Variants in EML4 observed in about 807,000 individuals in gnomAD.
EML4 encodes the protein echinoderm microtubule-associated protein-like 4.
Under a neutral mutation model 129.0 loss-of-function variants are expected in EML4, and 72 were observed. That is an observed-to-expected ratio of 0.56 (90% CI 0.46 to 0.68). EML4 has a LOEUF of 0.68. EML4 is among the 30% of genes least tolerant of loss of function. EML4 has a pLI of 0.00. For synonymous variants in EML4, 532 were observed against 405.0 expected, an observed-to-expected ratio of 1.31 and a Z score of -3.77; for missense variants, 1,363 against 1,190.6, an observed-to-expected ratio of 1.14 and a Z score of -2.13.
intron 8 of EML4, among the ~76,000 whole-genome samples, chr2:42,284,060 C>A (rs1032520471): frequency 1.3e-5 from 2 of 152,180 alleles, no homozygotes; most frequent in African/African-American, 2.4e-5. Flanking sequence ...TACGCTACTT[C>A]CCATTTCTAT....
chr2:42,279,967 G>A (rs964520294), intron 6 of EML4, among the ~76,000 whole-genome samples: 2 of 152,056 alleles, frequency 1.3e-5, no homozygotes, highest in Non-Finnish European at 2.9e-5. Context: ...TTTAAAATCT[G>A]TTATTTAACT....
intron 1 of EML4, among the ~76,000 whole-genome samples, chr2:42,189,564 G>A (rs918751811): frequency 2.0e-5 from 3 of 152,122 alleles, no homozygotes; most frequent in Admixed American, 6.5e-5. Context: ...TCTGTGACAG[G>A]GCGAGAACCT....
At chr2:42,222,280 G>C (rs1055981965) in intron 1 of EML4, among the ~76,000 whole-genome samples, 35 of 152,068 alleles carry the variant, frequency 2.3e-4, no homozygotes, top group Non-Finnish European at 5.9e-5. Flanking sequence ...AGTTTAATTT[G>C]TGTCTTTCCA....
At chr2:42,250,174 A>T (rs1675670158) in intron 2 of EML4, among the ~76,000 whole-genome samples, 1 of 152,220 alleles carries the variant, frequency 6.6e-6, no homozygotes, top group Non-Finnish European at 1.5e-5. Flanking sequence ...CAGTCATGTA[A>T]ACCAGGAAAC....
At chr2:42,243,439 CAT>C (rs754058157) in intron 1 of EML4, among the ~76,000 whole-genome samples, 31 of 151,662 alleles carry the variant, frequency 2.0e-4, no homozygotes, top group Non-Finnish European at 3.7e-4. Flanking sequence ...GAGTTGGACA[CAT>C]GTGCCTTTAA....
At chr2:42,267,096 C>T (rs558708561) in intron 6 of EML4, among the ~76,000 whole-genome samples, 21 of 152,124 alleles carry the variant, frequency 1.4e-4, no homozygotes, top group Non-Finnish European at 2.6e-4. Context: ...GAGCAGGTTA[C>T]TTCAACCTCC....
chr2:42,211,649 C>T lies in EML4; in HGVS notation c.26-33856C>T, dbSNP rs187681379. ...GAGAGGTTGAAAACTTTATCCTTCC[C>T]GGAAGGTTTCATACTTTCTTATTGA... is the stretch of plus-strand genomic sequence containing the variant. On this transcript the variant is annotated intron_variant, in intron 1 of 22. Coordinates refer to ENST00000318522, the MANE Select transcript of EML4 (RefSeq NM_019063.5). 6.6e-5 allele frequency among the ~76,000 whole-genome samples: 10 copies of T among 152,190 alleles called. No homozygotes were observed. In the East Asian group the frequency reaches 1.5e-3, roughly 24 times the overall value.
intron 4 of EML4, among the ~76,000 whole-genome samples, chr2:42,262,774 A>T (rs1409425818): frequency 6.6e-6 from 1 of 152,202 alleles, no homozygotes; most frequent in African/African-American, 2.4e-5. Context: ...ACCATATGTA[A>T]TGTAATTACC....
chr2:42,300,019 TGTG>T, intron 13 of EML4, among the ~76,000 whole-genome samples: 1 of 152,304 alleles, frequency 6.6e-6, no homozygotes, highest in South Asian at 2.1e-4. Flanking sequence ...GATTCATCCA[TGTG>T]GTGGTAGCAT....
chr2:42,212,833 A>T (rs1310578683), intron 1 of EML4, among the ~76,000 whole-genome samples: 1 of 152,234 alleles, frequency 6.6e-6, no homozygotes, highest in African/African-American at 2.4e-5. Context: ...AGTAACTACT[A>T]GAGAAAGAGG....
At chr2:42,231,112 G>T (rs1219119048) in intron 1 of EML4, among the ~76,000 whole-genome samples, 1 of 152,182 alleles carries the variant, frequency 6.6e-6, no homozygotes, top group Non-Finnish European at 1.5e-5. Context: ...TCAGTGCATT[G>T]CAGTTATGCT....
chr2:42,235,169 G>GGA, intron 1 of EML4, among the ~76,000 whole-genome samples: 1 of 152,024 alleles, frequency 6.6e-6, no homozygotes, highest in South Asian at 2.1e-4. Context: ...GCTTGCAGGT[G>GGA]CTTGTAATCC....
chr2:42,197,631 T>G (rs747863596), intron 1 of EML4, among the ~76,000 whole-genome samples: 3 of 152,132 alleles, frequency 2.0e-5, no homozygotes, highest in Non-Finnish European at 4.4e-5. Flanking sequence ...AATGAGTAAT[T>G]TTAAATATCT....
At chr2:42,256,403 C>G (rs1676152987) in intron 2 of EML4, 98 bp from the exon 3 acceptor site, 1 of 1,215,938 alleles carries the variant, frequency 8.2e-7, no homozygotes, top group Admixed American at 2.7e-5. Flanking sequence ...AATTTTTTTT[C>G]TACCACCCCC....
At chr2:42,187,166 C>T (rs12467511) in intron 1 of EML4, among the ~76,000 whole-genome samples, 9 of 151,904 alleles carry the variant, frequency 5.9e-5, no homozygotes, top group Admixed American at 5.2e-4. Context: ...ACTTCAGCCT[C>T]CCAAGTAGCT....
rs902424035 is a variant in EML4 at position 42,184,340 on chromosome 2, C to T, written c.25+14704C>T. On this transcript the variant is annotated intron_variant, in intron 1 of 22. Coordinates refer to ENST00000318522, the MANE Select transcript of EML4 (RefSeq NM_019063.5). The stretch of plus-strand genomic sequence containing the variant: ...TGTTGGTGTGCTGCACCCATTAGCT[C>T]GTCATTTAACATTAGGTATATCTCC... 1.5e-4 allele frequency among the ~76,000 whole-genome samples: 23 copies of T among 151,190 alleles called. 1 individual carries two copies. Among genetic ancestry groups the T allele is most frequent in the East Asian group, 2.0e-4 (1 of 5,116 alleles).
intron 5 of EML4, among the ~76,000 whole-genome samples, 177 bp from the exon 6 acceptor site, chr2:42,264,529 T>C (rs1572652969): frequency 6.6e-6 from 1 of 152,220 alleles, no homozygotes; most frequent in African/African-American, 2.4e-5. Context: ...TAAAATAGTG[T>C]ATATTAGTAG....
At chr2:42,218,359 A>T (rs1279236723) in intron 1 of EML4, among the ~76,000 whole-genome samples, 1 of 152,092 alleles carries the variant, frequency 6.6e-6, no homozygotes, top group Non-Finnish European at 1.5e-5. Flanking sequence ...AGTGAGCCAT[A>T]TAATTATTTT....
intron 1 of EML4, among the ~76,000 whole-genome samples, chr2:42,208,984 A>G (rs918230549): frequency 2.0e-5 from 3 of 152,158 alleles, no homozygotes; most frequent in Non-Finnish European, 4.4e-5. Flanking sequence ...TAGCTTTTGT[A>G]GTAATCACTT....
Sources: allele counts gnomAD v4.1 joint callset (sites outside exome capture counted in the v4.1 genomes callset), GRCh38; gene constraint gnomAD v4.1.1; transcripts MANE v1.5; gene names NCBI Gene and HGNC (gene_info 2026-07-23, HGNC 2026-07-21).